Variants in SSH2 observed in about 807,000 individuals in gnomAD.
SSH2 encodes the protein protein phosphatase Slingshot homolog 2.
SSH2 carries 37 observed loss-of-function variants against 135.2 expected under a neutral mutation model. The observed-to-expected ratio is 0.27, with a 90% confidence interval of 0.21 to 0.36. The LOEUF (loss-of-function observed/expected upper bound fraction) is 0.36, where lower values mean the gene tolerates loss of function less well. Ranked by LOEUF, SSH2 falls within the 10% of genes least tolerant of loss-of-function variation. SSH2 has a pLI of 1.00. For synonymous variants in SSH2, 628 were observed against 646.2 expected (o/e 0.97, Z 0.43); for missense variants, 1,408 against 1,765.3 (o/e 0.80, Z 3.63).
At chr17:29,899,770 G>A (rs2151457418) in intron 1 of SSH2, among the ~76,000 whole-genome samples, 1 of 152,208 alleles carries the variant, frequency 6.6e-6, no homozygotes, top group East Asian at 1.9e-4. Flanking sequence ...TCACAGAATT[G>A]GAAAAATCTA....
rs2040735691 is a variant in SSH2 at position 29,745,630 on chromosome 17, TCTTA to T, written c.189-42572_189-42569del. 2.0e-5 allele frequency among the ~76,000 whole-genome samples: 3 copies of T among 152,338 alleles called. No individual in the cohort carries two copies. In the South Asian group the frequency reaches 6.2e-4, roughly 32 times the overall value. ...CCATGTCTTGTACTTCTTTTTTATC[TCTTA>T]CTTCTTACACAGAATAGATGCAATT... On this transcript the variant is annotated intron_variant, in intron 3 of 15. Transcript: ENST00000540801.
At chr17:29,684,994 T>C (rs1254249265) in intron 5 of SSH2, among the ~76,000 whole-genome samples, 1 of 152,246 alleles carries the variant, frequency 6.6e-6, no homozygotes, top group Admixed American at 6.5e-5. Context: ...TAGTGCAATT[T>C]ATACTAATTA....
At chr17:29,885,388 A>G (rs1317789360) in intron 1 of SSH2, among the ~76,000 whole-genome samples, 1 of 149,236 alleles carries the variant, frequency 6.7e-6, no homozygotes, top group African/African-American at 2.5e-5. Context: ...CTTTTTCCCC[A>G]GTTCCTGACA....
At chr17:29,880,594 T>C (rs1234874382) in intron 1 of SSH2, among the ~76,000 whole-genome samples, 3 of 152,164 alleles carry the variant, frequency 2.0e-5, no homozygotes, top group African/African-American at 7.2e-5. Context: ...ATTCCCTAAG[T>C]CTTATATAGG....
chr17:29,673,996 C>A, intron 8 of SSH2: 1 of 432,934 alleles, frequency 2.3e-6, no homozygotes. Context: ...TGCACACATC[C>A]ATGTTTACAA....
chr17:29,915,049 A>G (rs901499660), intron 1 of SSH2, among the ~76,000 whole-genome samples: 13 of 152,218 alleles, frequency 8.5e-5, no homozygotes, highest in Admixed American at 7.9e-4. Context: ...AGAGTTGTGA[A>G]AGTTTCAGTT....
chr17:29,921,837 C>T (rs1274799025), intron 1 of SSH2, among the ~76,000 whole-genome samples: 5 of 152,086 alleles, frequency 3.3e-5, no homozygotes, highest in African/African-American at 1.2e-4. Flanking sequence ...AGTGAGCCAC[C>T]GCGCCCAGCC....
chr17:29,761,880 T>TGTG (rs2041324935), intron 3 of SSH2, among the ~76,000 whole-genome samples: 1 of 138,562 alleles, frequency 7.2e-6, no homozygotes, highest in African/African-American at 2.7e-5. Context: ...TGTATATATA[T>TGTG]ATATATATTT....
intron 2 of SSH2, among the ~76,000 whole-genome samples, chr17:29,809,109 C>A (rs181057845): frequency 0.011 from 1,645 of 152,194 alleles, 13 homozygotes; most frequent in Non-Finnish European, 0.018. Flanking sequence ...AAAAAATTAG[C>A]CATGCGTGGT....
Position 29,865,208 on chromosome 17 carries a change from T to A in SSH2, c.64-16279A>T, listed in dbSNP as rs190956439. Among the ~76,000 whole-genome samples the A allele has an allele frequency of 1.5e-4, 23 of 152,316 alleles. No homozygotes were observed. The East Asian group carries it at 3.9e-3, about 26-fold the overall frequency. On this transcript the variant is annotated intron_variant, in intron 1 of 15. Transcript: ENST00000540801. ...AGACTTAATATTCTAAAATGGTAAG[T>A]CTACAATTAAAAGAAGTGTAAAGTA...
chr17:29,768,317 G>C (rs1434045952), intron 3 of SSH2, among the ~76,000 whole-genome samples: 1 of 142,574 alleles, frequency 7.0e-6, no homozygotes, highest in East Asian at 2.0e-4. Flanking sequence ...TTTTGAGACA[G>C]GGTCTCGCTC....
intron 3 of SSH2, among the ~76,000 whole-genome samples, chr17:29,774,059 A>T (rs1450580715): frequency 6.6e-6 from 1 of 152,260 alleles, no homozygotes; most frequent in Non-Finnish European, 1.5e-5. Context: ...GCATATACAT[A>T]CAGGTTTCAA....
chr17:29,781,757 T>G (rs1012879624), intron 3 of SSH2, among the ~76,000 whole-genome samples: 6 of 150,964 alleles, frequency 4.0e-5, no homozygotes, highest in Non-Finnish European at 8.9e-5. Context: ...GGATTACAGG[T>G]ATAAGCCACG....
intron 3 of SSH2, among the ~76,000 whole-genome samples, chr17:29,750,938 C>CT (rs1218027737): frequency 6.6e-6 from 1 of 151,886 alleles, no homozygotes; most frequent in African/African-American, 2.4e-5. Flanking sequence ...TAGCTTAGGC[C>CT]TAAAGAGTCA....
At chr17:29,680,551 CAAA>C (rs1160865828) in intron 6 of SSH2, among the ~76,000 whole-genome samples, 4 of 21,516 alleles carry the variant, frequency 1.9e-4, no homozygotes, top group Admixed American at 2.2e-3. Context: ...GACTCCCTCT[CAAA>C]AAAAAAAAAA....
At chr17:29,756,204 C>G (rs1375062667) in intron 3 of SSH2, among the ~76,000 whole-genome samples, 6 of 147,532 alleles carry the variant, frequency 4.1e-5, no homozygotes, top group African/African-American at 1.5e-4. Context: ...ACCCAGGGGG[C>G]GGAGGTTGCG....
At chr17:29,855,095 T>A (rs902649961) in intron 1 of SSH2, among the ~76,000 whole-genome samples, 18 of 152,372 alleles carry the variant, frequency 1.2e-4, no homozygotes, top group Middle Eastern at 6.8e-3. Flanking sequence ...TCTTTCCTCT[T>A]TCCTTTTTTC....
chr17:29,736,786 CA>C (rs1194959594), intron 3 of SSH2, among the ~76,000 whole-genome samples: 180 of 10,178 alleles, frequency 0.018, no homozygotes, highest in African/African-American at 0.028. Context: ...GACTCTGTCT[CA>C]AAAAAAAAAA....
At chr17:29,676,580 G>T in intron 8 of SSH2, 2 of 458,202 alleles carry the variant, frequency 4.4e-6, no homozygotes, top group Non-Finnish European at 8.0e-6. Flanking sequence ...TTAAGTCTCT[G>T]CCAGAGCCTA....
Sources: gnomAD v4.1 joint callset for allele counts (sites outside exome capture counted in the v4.1 genomes callset) on GRCh38, gnomAD v4.1.1 for gene constraint, MANE v1.5 for transcripts, NCBI Gene and HGNC (gene_info 2026-07-23, HGNC 2026-07-21) for gene names.